The following PREX1 variants were observed in gnomAD, a reference collection of about 807,000 sequenced individuals.
The protein encoded by PREX1 is phosphatidylinositol-3,4,5-trisphosphate dependent Rac exchange factor 1.
In PREX1, 41 loss-of-function variants were observed where a neutral mutation model predicts 198.3. That is an observed-to-expected ratio of 0.21 (90% CI 0.16 to 0.27). The LOEUF (loss-of-function observed/expected upper bound fraction) is 0.27. Among genes scored for constraint, PREX1 ranks in the 10% least tolerant of loss-of-function variants. The pLI, the probability that PREX1 is intolerant of heterozygous loss-of-function variation, is 1.00. For missense variants in PREX1, 1,620 were observed against 2,200.7 expected (o/e 0.74, Z 5.28); for synonymous variants, 843 against 887.2 (o/e 0.95, Z 0.89).
the PREX1 span, among the ~76,000 whole-genome samples, chr20:48,837,347 T>C: frequency 0.26 from 39,684 of 152,100 alleles, 5,750 homozygotes; most frequent in Non-Finnish European, 0.33. Context: ...TATAAATCAT[T>C]CTACCATAAA....
At position 48,805,474 on chromosome 20, in the gene PREX1, C is replaced by T. The variant is rs764332025; in HGVS notation, c.219+22168G>A. Reference sequence around the variant, plus strand: ...GAGACCCCCTCCACCCTACCTTCTGCGGCTGCCAAAGACCTGACACACGGG... The same window carrying T: ...GAGACCCCCTCCACCCTACCTTCTGTGGCTGCCAAAGACCTGACACACGGG... On this transcript the variant is annotated intron_variant, in intron 1 of 39. Transcript: ENST00000371941. Among the ~76,000 whole-genome samples the T allele has an allele frequency of 5.9e-5, 9 of 152,330 alleles. No homozygotes were observed. The East Asian group carries it at 1.3e-3, about 23-fold the overall frequency.
intron 1 of PREX1, among the ~76,000 whole-genome samples, chr20:48,781,728 T>C (rs1226164336): frequency 6.6e-6 from 1 of 152,146 alleles, no homozygotes; most frequent in Non-Finnish European, 1.5e-5. Flanking sequence ...GACTCCCCCT[T>C]CCTCTTCTGA....
Position 48,700,841 on chromosome 20 carries a change from T to A in PREX1, c.829A>T (p.Thr277Ser). The A allele has an allele frequency of 6.2e-7, 1 of 1,614,098 alleles. No homozygotes were observed. The highest frequency in any genetic ancestry group is 8.5e-7 in the Non-Finnish European group (1 of 1,180,018). The change falls in exon 7 of 40, where the codon ACT (threonine) becomes TCT (serine). Residue 277 changes from threonine (T) to serine (S), a missense_variant. Physicochemically the swap from Thr to Ser is moderately conservative, Grantham distance 58 (BLOSUM62 1). This residue lies in a region of PREX1 where 488 missense variants were observed against 802.5 expected (regional missense o/e 0.61). Transcript: ENST00000371941. ...DICTQLLLQGTLLKISAGNIQ... is the reference protein window; with the variant it reads ...DICTQLLLQGSLLKISAGNIQ... ...TTGCCCGCAGAGATCTTTAACAAAG[T>A]CCCTTGCAGGAGGAGCTGAGTGCAG...
rs3810533 is a variant in PREX1, at chr20:48,630,827, C to T, written c.4527-33G>A. 0.012 allele frequency: 17,434 copies of T among 1,475,054 alleles called. 1,801 individuals are homozygous for T. In the East Asian group the frequency reaches 0.27, roughly 23 times the overall value. The allele number at this position is 1,475,054 out of a possible 1,614,324, so 91.4% of individuals were successfully genotyped here. On this transcript the variant is annotated intron_variant, in intron 35 of 39. Coordinates refer to ENST00000371941, the MANE Select transcript of PREX1 (RefSeq NM_020820.4). Reference sequence around the variant, plus strand: ...AGAAAGATGGGAATGAGGCGGGGGCCACCACACCCACCATCCTCCTGCCCC... The same window carrying T: ...AGAAAGATGGGAATGAGGCGGGGGCTACCACACCCACCATCCTCCTGCCCC...
Position 48,694,152 on chromosome 20 carries a change from T to G in PREX1, c.918-1362A>C, listed in dbSNP as rs528000595. 2.1e-3 allele frequency among the ~76,000 whole-genome samples: 319 copies of G among 152,198 alleles called. 2 individuals carry two copies. Among genetic ancestry groups the G allele is most frequent in the African/African-American group, 7.4e-3 (307 of 41,514 alleles). ...GTCTCGAACTCCTGACCTCAAGTTA[T>G]CCACCCCCCTCGGCCTCCCAAAGTC... On this transcript the variant is annotated intron_variant, in intron 7 of 39. Transcript: ENST00000371941.
chr20:48,655,040 T>C (rs908249669), intron 19 of PREX1, among the ~76,000 whole-genome samples: 1 of 152,320 alleles, frequency 6.6e-6, no homozygotes, highest in East Asian at 1.9e-4. Context: ...AGAGTGAACA[T>C]GTATTTTTTC....
chr20:48,878,578 T>C, the PREX1 span, among the ~76,000 whole-genome samples: 1 of 152,178 alleles, frequency 6.6e-6, no homozygotes, highest in African/African-American at 2.4e-5. Flanking sequence ...GACCTTGTGA[T>C]CCATCCGCCT....
chr20:48,800,082 T>C lies in PREX1; in HGVS notation c.219+27560A>G, dbSNP rs376984843. Among the ~76,000 whole-genome samples the C allele has an allele frequency of 3.9e-5, 6 of 152,172 alleles. No individual in the cohort carries two copies. In the South Asian group the frequency reaches 1.2e-3, roughly 31 times the overall value. On this transcript the variant is annotated intron_variant, in intron 1 of 39. Transcript: ENST00000371941. ...CTGTCCATGTGGGACTCTGGAGAAT[T>C]TGAATAAAGCTATTTCACCAAACTT...
At chr20:48,683,814 T>G (rs982809152) in intron 10 of PREX1, among the ~76,000 whole-genome samples, 1 of 152,086 alleles carries the variant, frequency 6.6e-6, no homozygotes, top group Non-Finnish European at 1.5e-5. Flanking sequence ...GAGGAAAACA[T>G]GTCTGCTAAC....
intron 1 of PREX1, among the ~76,000 whole-genome samples, chr20:48,764,319 C>A (rs1750268056): frequency 6.6e-6 from 1 of 152,166 alleles, no homozygotes; most frequent in Admixed American, 6.5e-5. Flanking sequence ...TTGTGGTGGG[C>A]TGAACAATAA....
intron 1 of PREX1, among the ~76,000 whole-genome samples, chr20:48,769,460 C>T (rs1228344934): frequency 1.3e-5 from 2 of 152,162 alleles, no homozygotes; most frequent in African/African-American, 4.8e-5. Flanking sequence ...GGCATGGGGC[C>T]GGCTTCGTAC....
Position 48,779,330 on chromosome 20 carries a change from C to T in PREX1, c.220-31450G>A, listed in dbSNP as rs1040988214. Among the ~76,000 whole-genome samples, 9 of 152,290 alleles carry T rather than the reference C, an allele frequency of 5.9e-5. 1 individual carries two copies. The highest frequency in any genetic ancestry group is 2.1e-4 in the South Asian group (1 of 4,828). ...TTCTACTTAAACGGCTTTTGAAAAACCCGACAATACCAAGTGCTGATGAGG... is the reference window on the plus strand; with the variant it reads ...TTCTACTTAAACGGCTTTTGAAAAATCCGACAATACCAAGTGCTGATGAGG... On this transcript the variant is annotated intron_variant, in intron 1 of 39. Transcript: ENST00000371941.
intron 1 of PREX1, among the ~76,000 whole-genome samples, chr20:48,811,880 T>C (rs2123046969): frequency 6.6e-6 from 1 of 152,338 alleles, no homozygotes; most frequent in Middle Eastern, 3.4e-3. Context: ...GTCTTAGCTG[T>C]TGGACAAAAG....
chr20:48,647,707 T>C (rs1167696936), intron 25 of PREX1, among the ~76,000 whole-genome samples: 1 of 152,106 alleles, frequency 6.6e-6, no homozygotes, highest in Non-Finnish European at 1.5e-5. Flanking sequence ...AGTGGATAAG[T>C]AGCAGGGCCA....
intron 32 of PREX1, among the ~76,000 whole-genome samples, chr20:48,635,386 T>C (rs1382131087): frequency 6.6e-6 from 1 of 152,216 alleles, no homozygotes; most frequent in African/African-American, 2.4e-5. Context: ...CTACAAGTCA[T>C]GTTTTGAAAA....
intron 1 of PREX1, among the ~76,000 whole-genome samples, chr20:48,761,615 G>C (rs1188982795): frequency 6.6e-6 from 1 of 152,106 alleles, no homozygotes; most frequent in African/African-American, 2.4e-5. Context: ...ATGCAACAGT[G>C]GGGGAAGGCA....
chr20:48,818,149 G>A (rs1407091061), intron 1 of PREX1, among the ~76,000 whole-genome samples: 1 of 152,204 alleles, frequency 6.6e-6, no homozygotes, highest in Non-Finnish European at 1.5e-5. Flanking sequence ...GGGCCCTGAG[G>A]CAGGTGCGTG....
upstream of PREX1, among the ~76,000 whole-genome samples, chr20:48,829,913 C>A (rs1347930689): frequency 6.6e-6 from 1 of 152,174 alleles, no homozygotes; most frequent in Non-Finnish European, 1.5e-5. Context: ...AGAGCGAATT[C>A]TATGCAATAC....
At chr20:48,826,832 C>T (rs1266729880) in intron 1 of PREX1, among the ~76,000 whole-genome samples, 1 of 152,108 alleles carries the variant, frequency 6.6e-6, no homozygotes, top group Non-Finnish European at 1.5e-5. Context: ...GTACTCCAGC[C>T]TGGGTGACTG....
Sources: allele counts gnomAD v4.1 joint callset (sites outside exome capture counted in the v4.1 genomes callset), GRCh38; gene constraint gnomAD v4.1.1; regional missense constraint gnomAD v4.1.1; transcripts MANE v1.5; gene names NCBI Gene and HGNC (gene_info 2026-07-23, HGNC 2026-07-21).